The following TNFRSF21 variants were observed in gnomAD, a reference collection of about 807,000 sequenced individuals.
TNFRSF21 encodes the protein tumor necrosis factor receptor superfamily member 21.
In TNFRSF21, 19 loss-of-function variants were observed where a neutral mutation model predicts 45.6. The ratio of observed to expected loss-of-function variants is 0.42; its 90% CI spans 0.29 to 0.61. The LOEUF is 0.61. Ranked by LOEUF, TNFRSF21 falls within the 20% of genes least tolerant of loss-of-function variation. The probability of loss-of-function intolerance (pLI) is 0.23; values close to 1 mark genes in which losing one functional copy is unlikely to be tolerated. For synonymous variants in TNFRSF21, 314 were observed against 335.5 expected, an observed-to-expected ratio of 0.94 and a Z score of 0.70; for missense variants, 737 against 851.5, an observed-to-expected ratio of 0.87 and a Z score of 1.67.
At position 47,282,105 on chromosome 6, in the gene TNFRSF21, G is replaced by T. The variant is rs115023830; in HGVS notation, c.1243+1833C>A. The stretch of plus-strand genomic sequence containing the variant: ...TAAGCTAAAAAAACAAACAAAAAAC[G>T]CTGGGCAAGGTGGCTCACACCTGTA... On this transcript the variant is annotated intron_variant, in intron 3 of 5. Coordinates refer to ENST00000296861, the MANE Select transcript of TNFRSF21 (RefSeq NM_014452.5). Among the ~76,000 whole-genome samples the T allele has an allele frequency of 2.1e-3, 317 of 152,042 alleles. 1 individual carries two copies. Among genetic ancestry groups the T allele is most frequent in the African/African-American group, 7.0e-3 (292 of 41,510 alleles).
At chr6:47,235,677 G>A (rs1764657276) in intron 4 of TNFRSF21, among the ~76,000 whole-genome samples, 1 of 152,166 alleles carries the variant, frequency 6.6e-6, no homozygotes, top group Admixed American at 6.5e-5. Flanking sequence ...GGGCCAACAA[G>A]GAAGTCACAG....
chr6:47,233,850 T>C (rs186948644), intron 5 of TNFRSF21, among the ~76,000 whole-genome samples: 1 of 152,082 alleles, frequency 6.6e-6, no homozygotes, highest in African/African-American at 2.4e-5. Flanking sequence ...AAATAGTGTA[T>C]GCTAATTCCC....
chr6:47,242,351 G>C (rs375646914), intron 4 of TNFRSF21, among the ~76,000 whole-genome samples: 2 of 152,088 alleles, frequency 1.3e-5, no homozygotes, highest in Admixed American at 6.5e-5. Context: ...TGGGTTTCTC[G>C]CTTAAATACC....
chr6:47,277,155 G>A (rs1425643048), intron 3 of TNFRSF21, among the ~76,000 whole-genome samples: 1 of 152,106 alleles, frequency 6.6e-6, no homozygotes, highest in Admixed American at 6.6e-5. Context: ...CACCACGCCT[G>A]GTTAATTTTA....
chr6:47,277,951 C>A (rs1762521304), intron 3 of TNFRSF21, among the ~76,000 whole-genome samples: 1 of 152,142 alleles, frequency 6.6e-6, no homozygotes, highest in Non-Finnish European at 1.5e-5. Flanking sequence ...TAATCCATTT[C>A]CACACTAGTT....
chr6:47,264,469 C>T (rs960376251), intron 3 of TNFRSF21, among the ~76,000 whole-genome samples: 5 of 135,190 alleles, frequency 3.7e-5, no homozygotes, highest in African/African-American at 8.7e-5. Context: ...GAGCTGAGAT[C>T]GCGCCACTGC....
chr6:47,267,887 A>T (rs1762359053), intron 3 of TNFRSF21, among the ~76,000 whole-genome samples: 1 of 152,116 alleles, frequency 6.6e-6, no homozygotes, highest in South Asian at 2.1e-4. Context: ...CTGAATCTTG[A>T]TTGCTTCTTT....
At chr6:47,236,027 T>A (rs113077356) in intron 4 of TNFRSF21, among the ~76,000 whole-genome samples, 55 of 152,126 alleles carry the variant, frequency 3.6e-4, no homozygotes, top group African/African-American at 1.3e-3. Flanking sequence ...GACTATGGCT[T>A]GTACTGGGGG....
intron 4 of TNFRSF21, among the ~76,000 whole-genome samples, chr6:47,247,083 T>C (rs1159732153): frequency 6.6e-6 from 1 of 152,240 alleles, no homozygotes; most frequent in Non-Finnish European, 1.5e-5. Context: ...GGTTGTCAAC[T>C]AACTGAATGA....
At chr6:47,284,750 T>C (rs931636476) in intron 2 of TNFRSF21, among the ~76,000 whole-genome samples, 1 of 152,226 alleles carries the variant, frequency 6.6e-6, no homozygotes, top group Admixed American at 6.5e-5. Context: ...TGTGCAGAGA[T>C]CTAATCAATT....
At chr6:47,235,094 A>T (rs1236358873) in intron 4 of TNFRSF21, among the ~76,000 whole-genome samples, 196 bp from the exon 5 acceptor site, 1 of 152,140 alleles carries the variant, frequency 6.6e-6, no homozygotes, top group Non-Finnish European at 1.5e-5. Flanking sequence ...TACAGTGAGG[A>T]TATGCATGAG....
chr6:47,274,951 T>G (rs542816683), intron 3 of TNFRSF21, among the ~76,000 whole-genome samples: 9 of 152,108 alleles, frequency 5.9e-5, no homozygotes, highest in Non-Finnish European at 1.2e-4. Flanking sequence ...ACCATCTTAC[T>G]CCAGTTAGAA....
chr6:47,244,064 G>A (rs1764787165), intron 4 of TNFRSF21, among the ~76,000 whole-genome samples: 1 of 152,214 alleles, frequency 6.6e-6, no homozygotes, highest in African/African-American at 2.4e-5. Context: ...GCTCACACCT[G>A]TAATCCCAGC....
At chr6:47,275,110 A>T (rs962018961) in intron 3 of TNFRSF21, among the ~76,000 whole-genome samples, 1 of 152,184 alleles carries the variant, frequency 6.6e-6, no homozygotes, top group African/African-American at 2.4e-5. Flanking sequence ...TTCCTCAAGG[A>T]TCTAGAACTA....
rs368795990 is a variant in TNFRSF21, at chr6:47,247,888, A to G, written c.1509+5368T>C. On this transcript the variant is annotated intron_variant, in intron 4 of 5. Transcript: ENST00000296861. Reference sequence around the variant, plus strand: ...TAATTCTATTATATAGAAATCAACAACAACCACCACAAAACATTGGCGGTG... The same window carrying G: ...TAATTCTATTATATAGAAATCAACAGCAACCACCACAAAACATTGGCGGTG... Among the ~76,000 whole-genome samples the G allele has an allele frequency of 5.2e-4, 79 of 152,318 alleles. 2 individuals are homozygous for G. In the East Asian group the frequency reaches 9.6e-3, roughly 19 times the overall value.
At chr6:47,280,572 C>T (rs373839142) in intron 3 of TNFRSF21, among the ~76,000 whole-genome samples, 1 of 152,324 alleles carries the variant, frequency 6.6e-6, no homozygotes, top group Non-Finnish European at 1.5e-5. Flanking sequence ...AATGAAACTA[C>T]TGTAATTTAG....
intron 3 of TNFRSF21, among the ~76,000 whole-genome samples, chr6:47,282,717 G>A (rs866717498): frequency 2.0e-5 from 3 of 152,230 alleles, no homozygotes; most frequent in Non-Finnish European, 2.9e-5. Context: ...TGAGAGTTGG[G>A]ATTATATTCT....
Position 47,232,895 on chromosome 6 carries a change from C to A in TNFRSF21, c.1838G>T (p.Arg613Leu). 4.3e-6 allele frequency: 7 copies of A among 1,614,074 alleles called. No homozygotes were observed. The highest frequency in any genetic ancestry group is 5.9e-6 in the Non-Finnish European group (7 of 1,180,022). The change falls in exon 6 of 6, where the codon CGG (arginine) becomes CTG (leucine). Residue 613 changes from arginine (R) to leucine (L), a missense_variant. Transcript: ENST00000296861. ...MLHFLNPEEL[R>L]VIEEIPQAED... ...AGCCTGGGGAATCTCTTCAATCACCCGCAGCTCCTCAGGATTTAGAAAGTG... is the reference window on the plus strand; with the variant it reads ...AGCCTGGGGAATCTCTTCAATCACCAGCAGCTCCTCAGGATTTAGAAAGTG...
intron 4 of TNFRSF21, among the ~76,000 whole-genome samples, chr6:47,248,480 A>AG (rs993869421): frequency 6.6e-6 from 1 of 152,150 alleles, no homozygotes; most frequent in South Asian, 2.1e-4. Context: ...CTAAAATAAA[A>AG]GGGGGGAGTG....
Sources: allele counts gnomAD v4.1 joint callset (sites outside exome capture counted in the v4.1 genomes callset), GRCh38; gene constraint gnomAD v4.1.1; transcripts MANE v1.5; gene names NCBI Gene and HGNC (gene_info 2026-07-23, HGNC 2026-07-21).